Variants in PBX1 observed in about 807,000 individuals in gnomAD.
PBX1 encodes PBX homeobox 1, also known as pre-B-cell leukemia transcription factor 1.
PBX1 carries 6 observed loss-of-function variants against 53.4 expected under a neutral mutation model. The observed-to-expected ratio is 0.11, with a 90% CI of 0.06 to 0.22. PBX1 has a LOEUF of 0.22. PBX1 is among the 10% of genes least tolerant of loss of function. PBX1 has a pLI of 1.00. For synonymous variants in PBX1, 204 were observed against 212.3 expected, an observed-to-expected ratio of 0.96 and a Z score of 0.34; for missense variants, 251 against 551.4, an observed-to-expected ratio of 0.46 and a Z score of 5.46.
intron 2 of PBX1, among the ~76,000 whole-genome samples, chr1:164,768,577 C>T (rs1360208935): frequency 6.6e-6 from 1 of 152,204 alleles, no homozygotes; most frequent in Non-Finnish European, 1.5e-5. Flanking sequence ...TTGTGTGAAA[C>T]CCAGTGGTTC....
chr1:164,763,529 C>T (rs1187994527), intron 2 of PBX1, among the ~76,000 whole-genome samples: 5 of 152,236 alleles, frequency 3.3e-5, no homozygotes, highest in East Asian at 1.9e-4. Flanking sequence ...CTCTTAGAAA[C>T]GGGGCAAGTT....
At chr1:164,580,675 C>T (rs1265421197) in intron 2 of PBX1, among the ~76,000 whole-genome samples, 1 of 152,092 alleles carries the variant, frequency 6.6e-6, no homozygotes, top group Non-Finnish European at 1.5e-5. Flanking sequence ...CTCCTGGGTT[C>T]AAGCGATTCT....
At chr1:164,852,585 T>C (rs1010086330), downstream of PBX1, among the ~76,000 whole-genome samples, 9 of 152,184 alleles carry the variant, frequency 5.9e-5, no homozygotes, top group Non-Finnish European at 1.3e-4. Context: ...ATCACATGCA[T>C]TACATTCTCA....
chr1:164,762,600 T>C (rs1571356486), intron 2 of PBX1, among the ~76,000 whole-genome samples: 1 of 152,368 alleles, frequency 6.6e-6, no homozygotes, highest in East Asian at 1.9e-4. Context: ...TTCCTCCATG[T>C]GTCTCTGTCT....
intron 2 of PBX1, among the ~76,000 whole-genome samples, chr1:164,760,257 C>G (rs1206898037): frequency 6.6e-6 from 1 of 152,148 alleles, no homozygotes; most frequent in Admixed American, 6.5e-5. Context: ...TCTCCACCCT[C>G]TCCAAAATAG....
intron 2 of PBX1, among the ~76,000 whole-genome samples, chr1:164,608,131 G>A (rs988681404): frequency 6.6e-6 from 1 of 152,156 alleles, no homozygotes; most frequent in Non-Finnish European, 1.5e-5. Context: ...TCAGGATCAG[G>A]GACTGATGGC....
intron 2 of PBX1, among the ~76,000 whole-genome samples, chr1:164,740,237 C>T (rs1293273815): frequency 6.6e-6 from 1 of 152,122 alleles, no homozygotes; most frequent in African/African-American, 2.4e-5. Flanking sequence ...ATCTAGTTTC[C>T]CTGTGTTGCA....
chr1:164,770,943 TCTC>T (rs1446773144), intron 2 of PBX1: 1 of 152,100 alleles, frequency 6.6e-6, no homozygotes, highest in Non-Finnish European at 1.5e-5. Context: ...AAGTCAGCAT[TCTC>T]CTGATTCTGT....
chr1:164,597,592 A>G (rs1483909584), intron 2 of PBX1, among the ~76,000 whole-genome samples: 4 of 152,204 alleles, frequency 2.6e-5, no homozygotes, highest in African/African-American at 9.6e-5. Context: ...GTTCCCACCT[A>G]TGATAATTCT....
At chr1:164,675,385 A>T (rs573240701) in intron 2 of PBX1, among the ~76,000 whole-genome samples, 1 of 152,028 alleles carries the variant, frequency 6.6e-6, no homozygotes, top group South Asian at 2.1e-4. Flanking sequence ...CTTACTTTCA[A>T]TGGCAAAAAC....
chr1:164,587,892 T>C (rs1201082424), intron 2 of PBX1, among the ~76,000 whole-genome samples: 1 of 152,162 alleles, frequency 6.6e-6, no homozygotes, highest in East Asian at 1.9e-4. Flanking sequence ...CCCACCCCTT[T>C]TCTGAATCTC....
chr1:164,849,167 GA>G lies in PBX1; in HGVS notation c.*2493del. The G allele has an allele frequency of 7.1e-7, 1 of 1,403,384 alleles. No individual in the cohort carries two copies. The highest frequency in any genetic ancestry group is 9.3e-7 in the Non-Finnish European group (1 of 1,078,922). 86.9% of individuals were successfully genotyped at this position (1,403,384 alleles called of 1,614,324 possible). A position where few individuals can be genotyped will look rare whatever the true frequency, so the allele number is the denominator to read the frequency against. ...GACAAAAGGGTTCTCTTGGAAACAA[GA>G]AGAGTGACTCCAGATGTGGCCTGAA... On this transcript the variant is annotated 3_prime_UTR_variant, in exon 9 of 9. Transcript: ENST00000420696.
At chr1:164,803,674 G>A (rs1044960604) in intron 4 of PBX1, among the ~76,000 whole-genome samples, 1 of 152,150 alleles carries the variant, frequency 6.6e-6, no homozygotes, top group African/African-American at 2.4e-5. Context: ...GTAGGATTGA[G>A]GGGAAATGAG....
intron 2 of PBX1, among the ~76,000 whole-genome samples, chr1:164,788,408 C>T (rs1450438686): frequency 6.7e-6 from 1 of 149,826 alleles, no homozygotes; most frequent in African/African-American, 2.5e-5. Flanking sequence ...TTTTAACCGC[C>T]GAGCTGAACA....
chr1:164,582,810 T>C (rs537152279), intron 2 of PBX1, among the ~76,000 whole-genome samples: 1 of 152,324 alleles, frequency 6.6e-6, no homozygotes, highest in South Asian at 2.1e-4. Flanking sequence ...TGTTTTACCA[T>C]AGCCCTTTAT....
intron 2 of PBX1, among the ~76,000 whole-genome samples, chr1:164,584,874 A>T (rs1046881758): frequency 5.3e-5 from 8 of 151,960 alleles, no homozygotes; most frequent in Admixed American, 1.3e-4. Flanking sequence ...TCATCTGCAA[A>T]ATCTCCTCTT....
intron 2 of PBX1, chr1:164,642,101 A>G (rs1659180023): frequency 6.6e-6 from 1 of 152,174 alleles, no homozygotes; most frequent in African/African-American, 2.4e-5. Flanking sequence ...TTTTCATAGG[A>G]TAAGCCCCAT....
chr1:164,845,760 T>C (rs1189805746), intron 8 of PBX1, among the ~76,000 whole-genome samples: 1 of 152,150 alleles, frequency 6.6e-6, no homozygotes, highest in Non-Finnish European at 1.5e-5. Flanking sequence ...TGATCAAGCC[T>C]ATACCTTCCC....
At chr1:164,874,880 T>A (rs17391067) in intron 2 of PBX1, among the ~76,000 whole-genome samples, 4,199 of 152,250 alleles carry the variant, frequency 0.028, 73 homozygotes, top group South Asian at 0.051. Flanking sequence ...TTACAGATCA[T>A]TGTAGGTAGG....
Sources: allele counts gnomAD v4.1 joint callset (sites outside exome capture counted in the v4.1 genomes callset), GRCh38; gene constraint gnomAD v4.1.1; transcripts MANE v1.5; gene names NCBI Gene and HGNC (gene_info 2026-07-23, HGNC 2026-07-21).